Variants in CNTNAP2 observed in about 807,000 individuals in gnomAD.
CNTNAP2 encodes contactin associated protein 2, also known as contactin-associated protein-like 2.
A neutral mutation model predicts 155.2 loss-of-function variants in CNTNAP2; 98 were observed. The ratio of observed to expected loss-of-function variants is 0.63; its 90% confidence interval spans 0.54 to 0.75. The LOEUF is 0.75. Among genes scored for constraint, CNTNAP2 ranks in the 30% least tolerant of loss-of-function variants. The pLI, the probability that CNTNAP2 is intolerant of heterozygous loss-of-function variation, is 0.00. For synonymous variants in CNTNAP2, 651 were observed against 631.2 expected, an observed-to-expected ratio of 1.03 and a Z score of -0.47; for missense variants, 1,727 against 1,688.1, an observed-to-expected ratio of 1.02 and a Z score of -0.40.
chr7:146,183,174 T>C (rs13230938), intron 1 of CNTNAP2, among the ~76,000 whole-genome samples: 141,025 of 152,082 alleles, frequency 0.93, 65,729 homozygotes, highest in East Asian at 0.98. Context: ...CCAGTGCCTC[T>C]GTTATTACCT....
chr7:147,382,172 A>T (rs192744791), intron 9 of CNTNAP2, among the ~76,000 whole-genome samples: 4 of 152,286 alleles, frequency 2.6e-5, no homozygotes, highest in Non-Finnish European at 4.4e-5. Flanking sequence ...GGGAAAAAAA[A>T]GATCCTGGGC....
At chr7:146,839,595 A>T (rs1405370778) in intron 2 of CNTNAP2, 116 bp from the exon 3 acceptor site, 59 of 1,004,504 alleles carry the variant, frequency 5.9e-5, no homozygotes, top group Admixed American at 2.1e-4. Context: ...TTCATAATAT[A>T]TCTGTGAAAT....
At chr7:146,495,449 C>A (rs2129132100) in intron 1 of CNTNAP2, among the ~76,000 whole-genome samples, 1 of 152,032 alleles carries the variant, frequency 6.6e-6, no homozygotes, top group African/African-American at 2.4e-5. Context: ...ACCCTCTGAC[C>A]TTAGGTGAAT....
chr7:147,051,089 G>A (rs183196584), intron 4 of CNTNAP2, among the ~76,000 whole-genome samples: 1 of 151,484 alleles, frequency 6.6e-6, no homozygotes, highest in East Asian at 1.9e-4. Flanking sequence ...TATCCACAAA[G>A]ACCCACTTTT....
At chr7:147,706,514 C>T (rs139111868) in intron 13 of CNTNAP2, among the ~76,000 whole-genome samples, 143 of 152,046 alleles carry the variant, frequency 9.4e-4, no homozygotes, top group Admixed American at 2.3e-3. Context: ...GATAGGGGTT[C>T]CCTTATAAGT....
chr7:146,521,995 A>G (rs918292421), intron 1 of CNTNAP2, among the ~76,000 whole-genome samples: 1 of 151,246 alleles, frequency 6.6e-6, no homozygotes, highest in Non-Finnish European at 1.5e-5. Flanking sequence ...GAGTAAATCA[A>G]TGCAATTCTC....
At chr7:146,624,736 C>A (rs1585012592) in intron 1 of CNTNAP2, among the ~76,000 whole-genome samples, 1 of 151,892 alleles carries the variant, frequency 6.6e-6, no homozygotes, top group East Asian at 1.9e-4. Flanking sequence ...AAGTTTTAGA[C>A]ATGGTTTGTT....
chr7:146,421,488 G>A (rs1431711457), intron 1 of CNTNAP2, among the ~76,000 whole-genome samples: 1 of 151,860 alleles, frequency 6.6e-6, no homozygotes, highest in Non-Finnish European at 1.5e-5. Flanking sequence ...TTAAAATTGA[G>A]TTTTACAACA....
intron 21 of CNTNAP2, among the ~76,000 whole-genome samples, chr7:148,371,242 T>G (rs1484063823): frequency 1.3e-5 from 2 of 152,150 alleles, no homozygotes; most frequent in Non-Finnish European, 2.9e-5. Context: ...AGCCCCATTG[T>G]CCCAACAAAG....
intron 10 of CNTNAP2, among the ~76,000 whole-genome samples, chr7:147,410,068 A>T (rs1384815956): frequency 6.6e-6 from 1 of 152,226 alleles, no homozygotes; most frequent in Non-Finnish European, 1.5e-5. Context: ...TAACCAAAGA[A>T]TATAAATCAT....
At chr7:146,967,864 G>A (rs1368822323) in intron 3 of CNTNAP2, among the ~76,000 whole-genome samples, 1 of 151,982 alleles carries the variant, frequency 6.6e-6, no homozygotes, top group Non-Finnish European at 1.5e-5. Flanking sequence ...GGAGTGGTGA[G>A]AGAGGGCATC....
At chr7:148,363,909 A>G (rs917957144) in intron 21 of CNTNAP2, among the ~76,000 whole-genome samples, 17 of 151,816 alleles carry the variant, frequency 1.1e-4, no homozygotes, top group Admixed American at 9.8e-4. Flanking sequence ...CTGAGCAGCC[A>G]GCCAGCCCTG....
chr7:147,629,257 G>A lies in CNTNAP2; in HGVS notation c.1898-9849G>A, dbSNP rs562152018. 2.6e-5 allele frequency among the ~76,000 whole-genome samples: 4 copies of A among 152,028 alleles called. No homozygotes were observed. In the South Asian group the frequency reaches 8.3e-4, roughly 32 times the overall value. ...TCTTTACTAAAAATGCAAAAAATTAGCCAAGCAACGTGATGGGTGCCTGTA... is the reference window on the plus strand; with the variant it reads ...TCTTTACTAAAAATGCAAAAAATTAACCAAGCAACGTGATGGGTGCCTGTA... On this transcript the variant is annotated intron_variant, in intron 12 of 23. Coordinates refer to ENST00000361727, the MANE Select transcript of CNTNAP2 (RefSeq NM_014141.6).
intron 15 of CNTNAP2, among the ~76,000 whole-genome samples, chr7:148,101,927 A>T (rs1368353379): frequency 6.6e-6 from 1 of 152,164 alleles, no homozygotes; most frequent in Admixed American, 6.5e-5. Context: ...AGTCTTCCCC[A>T]TTGCTATCAA....
chr7:146,692,350 C>A (rs1481024540), intron 1 of CNTNAP2, among the ~76,000 whole-genome samples: 1 of 152,024 alleles, frequency 6.6e-6, no homozygotes, highest in Non-Finnish European at 1.5e-5. Context: ...CAGTAAAGGC[C>A]AACTTTTTAA....
intron 1 of CNTNAP2, among the ~76,000 whole-genome samples, chr7:146,585,977 C>T (rs1225571583): frequency 1.3e-5 from 2 of 151,360 alleles, no homozygotes; most frequent in Non-Finnish European, 2.9e-5. Flanking sequence ...TGAACTCCAG[C>T]CTGGGTGACA....
intron 19 of CNTNAP2, among the ~76,000 whole-genome samples, chr7:148,220,369 T>G (rs2116762255): frequency 6.6e-6 from 1 of 152,366 alleles, no homozygotes; most frequent in Non-Finnish European, 1.5e-5. Flanking sequence ...TCCAAAGTGC[T>G]GGGATTACAG....
At chr7:147,895,939 T>C (rs1229701159) in intron 13 of CNTNAP2, among the ~76,000 whole-genome samples, 1 of 152,254 alleles carries the variant, frequency 6.6e-6, no homozygotes, top group Non-Finnish European at 1.5e-5. Flanking sequence ...ATTGGCATTC[T>C]TTTGCAGTAG....
chr7:147,759,188 C>T (rs1797261873), intron 13 of CNTNAP2, among the ~76,000 whole-genome samples: 1 of 152,128 alleles, frequency 6.6e-6, no homozygotes, highest in African/African-American at 2.4e-5. Flanking sequence ...CAGGTTGTTA[C>T]TGATAGACAT....
Sources: allele counts gnomAD v4.1 joint callset (sites outside exome capture counted in the v4.1 genomes callset), GRCh38; gene constraint gnomAD v4.1.1; transcripts MANE v1.5; gene names NCBI Gene and HGNC (gene_info 2026-07-23, HGNC 2026-07-21).